WDR35: variants seen among roughly 807,000 people sequenced by gnomAD.
The protein encoded by WDR35 is WD repeat-containing protein 35.
A neutral mutation model predicts 158.3 loss-of-function variants in WDR35; 118 were observed. The ratio of observed to expected loss-of-function variants is 0.75; its 90% CI spans 0.64 to 0.87. WDR35 has a LOEUF of 0.87. Among genes scored for constraint, WDR35 ranks in the 40% least tolerant of loss-of-function variants. WDR35 has a pLI of 0.00. For synonymous variants in WDR35, 448 were observed against 476.1 expected (o/e 0.94, Z 0.77); for missense variants, 1,263 against 1,405.8 (o/e 0.90, Z 1.62).
At chr2:19,976,273 T>C (rs970982183) in intron 5 of WDR35, among the ~76,000 whole-genome samples, 2 of 152,142 alleles carry the variant, frequency 1.3e-5, no homozygotes, top group Non-Finnish European at 2.9e-5. Context: ...TAACCCCAAG[T>C]TCCCCCTCTA....
intron 25 of WDR35, among the ~76,000 whole-genome samples, chr2:19,915,875 T>C (rs1257732139): frequency 4.7e-5 from 7 of 150,050 alleles, no homozygotes; most frequent in Non-Finnish European, 1.0e-4. Flanking sequence ...GAGCTGAGAT[T>C]ATGCCACTGC....
At chr2:19,954,090 AC>A (rs1333101342) in intron 11 of WDR35, 112 bp from the exon 12 acceptor site, 16 of 1,195,048 alleles carry the variant, frequency 1.3e-5, no homozygotes, top group Non-Finnish European at 1.9e-5. Flanking sequence ...TAGACAATAT[AC>A]CCCCACATAG....
chr2:19,963,119 T>C (rs1230541574), intron 10 of WDR35, among the ~76,000 whole-genome samples: 1 of 152,192 alleles, frequency 6.6e-6, no homozygotes, highest in African/African-American at 2.4e-5. Context: ...CTTTCTTTCA[T>C]TCCCTTTTCC....
chr2:19,948,919 A>G (rs1489132456), intron 13 of WDR35, among the ~76,000 whole-genome samples: 1 of 152,090 alleles, frequency 6.6e-6, no homozygotes. Flanking sequence ...GTCTCAAAAA[A>G]AAAAAAGAAA....
intron 19 of WDR35, 113 bp from the exon 20 acceptor site, chr2:19,936,478 G>T: frequency 6.8e-7 from 1 of 1,479,492 alleles, no homozygotes; most frequent in South Asian, 1.2e-5. Flanking sequence ...AGTGGACAAT[G>T]TGACTCTCCA....
intron 13 of WDR35, 101 bp from the exon 14 acceptor site, chr2:19,948,318 AACTTAACCAACATTTATTT>A: frequency 2.8e-6 from 3 of 1,067,186 alleles, no homozygotes; most frequent in Non-Finnish European, 4.2e-6. Context: ...AATATTTCTT[AACTTAACCAACATTTATTT>A]ACTGCTGAGC....
chr2:19,946,032 A>G (rs1239772346), intron 15 of WDR35, 36 bp from the exon 16 acceptor site: 2 of 1,590,102 alleles, frequency 1.3e-6, no homozygotes, highest in Non-Finnish European at 1.7e-6. Context: ...GGAAAAAACT[A>G]TAAAATTACT....
chr2:19,933,278 C>G, intron 22 of WDR35, 123 bp downstream of exon 22: 1 of 802,046 alleles, frequency 1.2e-6, no homozygotes, highest in Non-Finnish European at 2.1e-6. Context: ...AAATTCACGT[C>G]AGGCTCTCCA....
intron 26 of WDR35, 135 bp from the exon 27 acceptor site, chr2:19,913,843 T>C: frequency 6.9e-7 from 1 of 1,439,740 alleles, no homozygotes; most frequent in East Asian, 2.5e-5. Context: ...AAAAAAGTTA[T>C]TTCAAGAAAA....
At chr2:19,967,927 A>T (rs1595414) in intron 9 of WDR35, among the ~76,000 whole-genome samples, 5 of 151,926 alleles carry the variant, frequency 3.3e-5, no homozygotes, top group East Asian at 3.9e-4. Context: ...TATCTTTTCC[A>T]GAATGTCCTT....
intron 24 of WDR35, 23 bp downstream of exon 24, chr2:19,931,246 T>C (rs1374197775): frequency 1.9e-5 from 31 of 1,610,176 alleles, no homozygotes; most frequent in Non-Finnish European, 2.5e-5. Context: ...AATGATGTAA[T>C]GTTATTTAAC....
intron 11 of WDR35, among the ~76,000 whole-genome samples, chr2:19,957,975 T>C (rs150544951): frequency 1.3e-4 from 20 of 152,368 alleles, no homozygotes; most frequent in African/African-American, 2.6e-4. Flanking sequence ...GGAATTCACA[T>C]ATAAATAAAA....
chr2:19,962,352 G>A, intron 10 of WDR35: 1 of 1,611,916 alleles, frequency 6.2e-7, no homozygotes, highest in Non-Finnish European at 8.5e-7. Context: ...ATAAATGACA[G>A]GAGAAATTCA....
At chr2:19,948,121 T>A (rs550690980) in intron 14 of WDR35, 43 bp downstream of exon 14, 3 of 1,485,290 alleles carry the variant, frequency 2.0e-6, no homozygotes, top group Non-Finnish European at 1.8e-6. Context: ...TTTTTATAAT[T>A]TAAAGAATTA....
chr2:19,941,527 AT>A (rs2103410275), intron 17 of WDR35, among the ~76,000 whole-genome samples: 1 of 152,308 alleles, frequency 6.6e-6, no homozygotes, highest in East Asian at 1.9e-4. Context: ...TCTGTATTTT[AT>A]AAAGGCAATA....
intron 2 of WDR35, among the ~76,000 whole-genome samples, chr2:19,987,393 A>T (rs1672603165): frequency 6.6e-6 from 1 of 152,216 alleles, no homozygotes. Flanking sequence ...ACCTCCCAAG[A>T]ATTGATTTCC....
At chr2:19,950,920 A>G (rs1415033022) in intron 13 of WDR35, among the ~76,000 whole-genome samples, 1 of 152,222 alleles carries the variant, frequency 6.6e-6, no homozygotes, top group African/African-American at 2.4e-5. Flanking sequence ...CAACAGTTTT[A>G]TAAACAATAG....
chr2:19,942,495 A>G (rs1250455775), intron 16 of WDR35, among the ~76,000 whole-genome samples: 1 of 152,138 alleles, frequency 6.6e-6, no homozygotes, highest in East Asian at 1.9e-4. Flanking sequence ...TAGGATATGC[A>G]TATTATAAAG....
chr2:19,926,538 A>C (rs181438594), intron 25 of WDR35, among the ~76,000 whole-genome samples: 1 of 152,262 alleles, frequency 6.6e-6, no homozygotes, highest in African/African-American at 2.4e-5. Context: ...TTATGATTTC[A>C]TACAGATGAA....
Sources: gnomAD v4.1 joint callset for allele counts (sites outside exome capture counted in the v4.1 genomes callset) on GRCh38, gnomAD v4.1.1 for gene constraint, MANE v1.5 for transcripts, NCBI Gene and HGNC (gene_info 2026-07-23, HGNC 2026-07-21) for gene names.